The following KCNB2 variants were observed in gnomAD, a reference collection of about 807,000 sequenced individuals.
KCNB2 encodes the protein delayed rectifier potassium channel protein.
Under a neutral mutation model 61.5 loss-of-function variants are expected in KCNB2, and 15 were observed. The observed-to-expected ratio is 0.24, with a 90% CI of 0.16 to 0.38. KCNB2 has a LOEUF of 0.38. KCNB2 is among the 10% of genes least tolerant of loss of function. The pLI is 1.00. For missense variants in KCNB2, 828 were observed against 1,125.2 expected, an observed-to-expected ratio of 0.74 and a Z score of 3.78; for synonymous variants, 457 against 446.0, an observed-to-expected ratio of 1.02 and a Z score of -0.31.
chr8:72,710,903 T>A (rs1807315372), intron 2 of KCNB2, among the ~76,000 whole-genome samples: 1 of 152,174 alleles, frequency 6.6e-6, no homozygotes, highest in South Asian at 2.1e-4. Context: ...GAAGTCAGAG[T>A]GCTATTTCCT....
intron 1 of KCNB2, among the ~76,000 whole-genome samples, chr8:72,563,315 G>T (rs577565797): frequency 1.3e-5 from 2 of 152,274 alleles, no homozygotes; most frequent in South Asian, 4.1e-4. Flanking sequence ...CCACTTAATG[G>T]GTGAAGAAAT....
At chr8:72,714,390 A>G (rs1398035071) in intron 2 of KCNB2, among the ~76,000 whole-genome samples, 2 of 152,230 alleles carry the variant, frequency 1.3e-5, no homozygotes, top group East Asian at 1.9e-4. Context: ...GAAGGAAAAA[A>G]TATTAAGGGC....
intron 2 of KCNB2, among the ~76,000 whole-genome samples, chr8:72,718,785 C>T (rs1048671279): frequency 1.3e-5 from 2 of 151,922 alleles, no homozygotes; most frequent in Admixed American, 6.6e-5. Context: ...GTACGTTGTG[C>T]GCATGTACCC....
intron 2 of KCNB2, among the ~76,000 whole-genome samples, chr8:72,619,612 C>T (rs964304151): frequency 1.3e-5 from 2 of 151,814 alleles, no homozygotes; most frequent in African/African-American, 4.8e-5. Context: ...TGCCACTTCA[C>T]ACGGAACTCC....
intron 2 of KCNB2, among the ~76,000 whole-genome samples, chr8:72,856,567 T>C (rs1179272433): frequency 6.6e-6 from 1 of 152,232 alleles, no homozygotes; most frequent in African/African-American, 2.4e-5. Context: ...GTTGATGGGA[T>C]GAAATATCTC....
chr8:72,748,983 C>T (rs935786827), intron 2 of KCNB2, among the ~76,000 whole-genome samples: 2 of 152,076 alleles, frequency 1.3e-5, no homozygotes, highest in Admixed American at 1.3e-4. Context: ...ATTTTGTACC[C>T]TTTGACCAAC....
chr8:72,914,325 T>G (rs1478458758), intron 2 of KCNB2, among the ~76,000 whole-genome samples: 2 of 152,176 alleles, frequency 1.3e-5, no homozygotes, highest in Non-Finnish European at 1.5e-5. Flanking sequence ...CATAGGAGGA[T>G]GAAGGAAAAT....
chr8:72,629,145 C>T (rs1171989907), intron 2 of KCNB2, among the ~76,000 whole-genome samples: 8 of 152,162 alleles, frequency 5.3e-5, no homozygotes, highest in Admixed American at 5.2e-4. Flanking sequence ...GGTTAAGTCT[C>T]AGAAATCCAT....
intron 2 of KCNB2, among the ~76,000 whole-genome samples, chr8:72,866,469 C>T (rs1345770064): frequency 6.6e-6 from 1 of 152,174 alleles, no homozygotes; most frequent in Admixed American, 6.5e-5. Flanking sequence ...CTACTGAACA[C>T]CTTTGCCTAA....
At chr8:72,627,203 A>G (rs1805804073) in intron 2 of KCNB2, among the ~76,000 whole-genome samples, 1 of 152,242 alleles carries the variant, frequency 6.6e-6, no homozygotes. Flanking sequence ...TCATGAAAGC[A>G]GATTTTTATG....
chr8:72,938,055 C>G lies in KCNB2; in HGVS notation c.2700C>G (p.Asp900Glu). Residue 900 changes from aspartate to glutamate, a missense_variant, in exon 3 of 3, where the codon GAC becomes GAG. By Grantham distance (45) the Asp-to-Glu change is conservative (BLOSUM62 2). Coordinates refer to ENST00000523207, the MANE Select transcript of KCNB2 (RefSeq NM_004770.3). ...CAGAAATTCATTCCAACCCAGGAGA[C>G]ACAGGTTATTGTCCCACACGTGAAA... ...FAPEIHSNPG[D>E]TGYCPTRETS... 6.2e-7 allele frequency: 1 copy of G among 1,613,414 alleles called. No homozygotes were observed. Among genetic ancestry groups the G allele is most frequent in the South Asian group, 1.1e-5 (1 of 90,912 alleles).
chr8:72,888,639 T>G (rs1805845853), intron 2 of KCNB2, among the ~76,000 whole-genome samples: 1 of 152,232 alleles, frequency 6.6e-6, no homozygotes, highest in Non-Finnish European at 1.5e-5. Flanking sequence ...TTCAGTACTT[T>G]GCCATCATTA....
chr8:72,725,732 C>T (rs1228814818), intron 2 of KCNB2, among the ~76,000 whole-genome samples: 2 of 151,146 alleles, frequency 1.3e-5, no homozygotes, highest in Non-Finnish European at 2.9e-5. Context: ...TCTGCCCAGA[C>T]TGTGAACTCC....
chr8:72,541,707 A>G (rs1806190338), intron 1 of KCNB2, among the ~76,000 whole-genome samples: 1 of 152,158 alleles, frequency 6.6e-6, no homozygotes, highest in African/African-American at 2.4e-5. Flanking sequence ...TTAGATTTTT[A>G]TAAGGTAGGT....
At chr8:72,904,580 G>A (rs1173495667) in intron 2 of KCNB2, among the ~76,000 whole-genome samples, 1 of 152,020 alleles carries the variant, frequency 6.6e-6, no homozygotes, top group Non-Finnish European at 1.5e-5. Flanking sequence ...TTAGACAAGA[G>A]AAAGAAAGAT....
intron 2 of KCNB2, among the ~76,000 whole-genome samples, chr8:72,933,594 T>C (rs921319416): frequency 1.3e-5 from 2 of 152,244 alleles, no homozygotes; most frequent in African/African-American, 4.8e-5. Flanking sequence ...AAAAATATCT[T>C]GGTTCCTTAT....
rs1491255124 is a variant in KCNB2, at chr8:72,561,763, A to ACG, written c.-93-5879_-93-5878insCG. Among the ~76,000 whole-genome samples, 21 of 6,174 alleles carry ACG rather than the reference A, an allele frequency of 3.4e-3. 2 individuals are homozygous for ACG. Among genetic ancestry groups the ACG allele is most frequent in the East Asian group, 0.013 (1 of 76 alleles). 4.1% of individuals were successfully genotyped at this position (6,174 alleles called of 152,430 possible). On this transcript the variant is annotated intron_variant, in intron 1 of 2. Transcript: ENST00000523207. ...TATATATATGTATATATATATATGGATATATATATATATGGATATATATAT... is the reference window on the plus strand; with the variant it reads ...TATATATATGTATATATATATATGGACGTATATATATATATGGATATATATAT...
chr8:72,846,137 C>G (rs1055188123), intron 2 of KCNB2, among the ~76,000 whole-genome samples: 1 of 152,170 alleles, frequency 6.6e-6, no homozygotes, highest in East Asian at 1.9e-4. Context: ...AGCGTAGTAT[C>G]TGGACCGGAA....
intron 2 of KCNB2, among the ~76,000 whole-genome samples, chr8:72,705,121 C>A (rs1028583034): frequency 3.3e-5 from 5 of 152,056 alleles, no homozygotes; most frequent in African/African-American, 1.2e-4. Context: ...TCAGATGGAC[C>A]CTCTCTTTCT....
Sources: gnomAD v4.1 joint callset for allele counts (sites outside exome capture counted in the v4.1 genomes callset) on GRCh38, gnomAD v4.1.1 for gene constraint, MANE v1.5 for transcripts, NCBI Gene and HGNC (gene_info 2026-07-23, HGNC 2026-07-21) for gene names.